Variants in ABCC6 observed in about 807,000 individuals in gnomAD.
ABCC6 encodes ATP-binding cassette sub-family C member 6.
A neutral mutation model predicts 169.5 loss-of-function variants in ABCC6; 126 were observed. That is an observed-to-expected ratio of 0.74 (90% confidence interval 0.64 to 0.86). ABCC6 has a LOEUF of 0.86. Among genes scored for constraint, ABCC6 ranks in the 40% least tolerant of loss-of-function variants. The probability of loss-of-function intolerance (pLI) is 0.00; values close to 1 mark genes in which losing one functional copy is unlikely to be tolerated. For missense variants in ABCC6, 1,733 were observed against 1,927.2 expected, an observed-to-expected ratio of 0.90 and a Z score of 1.89; for synonymous variants, 752 against 814.7, an observed-to-expected ratio of 0.92 and a Z score of 1.31.
rs766642486 is a variant in ABCC6, at chr16:16,203,547, G to C, written c.861C>G (p.Pro287=). 1.2e-6 allele frequency: 2 copies of C among 1,614,040 alleles called. No individual in the cohort carries two copies. Among genetic ancestry groups the C allele is most frequent in the Non-Finnish European group, 1.7e-6 (2 of 1,179,880 alleles). ...ACTGGCTCCCTTCTTGCCGTAGGAAGGGCTCGGTCTCTGGAGCCTTCATGC... is the reference window on the plus strand; with the variant it reads ...ACTGGCTCCCTTCTTGCCGTAGGAACGGCTCGGTCTCTGGAGCCTTCATGC... ...GSGMKAPETE[P]FLRQEGSQWR... The change falls in exon 8 of 31, where the codon CCC becomes CCG. Residue 287 remains proline (P), a synonymous_variant. Transcript: ENST00000205557.
intron 22 of ABCC6, 122 bp from the exon 23 acceptor site, chr16:16,166,055 T>A: frequency 1.0e-6 from 1 of 994,528 alleles, no homozygotes; most frequent in South Asian, 1.5e-5. Flanking sequence ...CCACCCTGAT[T>A]ATTATATTTT....
At chr16:16,221,032 T>A (rs1042718280) in intron 2 of ABCC6, among the ~76,000 whole-genome samples, 1 of 152,050 alleles carries the variant, frequency 6.6e-6, no homozygotes. Context: ...TCAAATACTG[T>A]GTACCGCTTG....
At chr16:16,185,116 C>T in intron 14 of ABCC6, 82 bp from the exon 15 acceptor site, 3 of 1,306,218 alleles carry the variant, frequency 2.3e-6, no homozygotes, top group South Asian at 1.2e-5. Context: ...GCACCATCCC[C>T]CGCCCCCCCC....
At chr16:16,184,124 G>A (rs980598652) in intron 15 of ABCC6, 25 of 174,306 alleles carry the variant, frequency 1.4e-4, no homozygotes, top group East Asian at 1.9e-4. Flanking sequence ...GCTTGAATCC[G>A]GAAGGTGGAG....
At chr16:16,150,278 A>G in intron 30 of ABCC6, 37 bp from the exon 31 acceptor site, 4 of 1,612,998 alleles carry the variant, frequency 2.5e-6, no homozygotes, top group Non-Finnish European at 3.4e-6. Flanking sequence ...CTCTTTGGAC[A>G]CCAGCCCAGG....
chr16:16,180,812 G>T (rs1047627764), intron 17 of ABCC6, among the ~76,000 whole-genome samples: 1 of 152,108 alleles, frequency 6.6e-6, no homozygotes, highest in Admixed American at 6.6e-5. Context: ...CTTACATTCA[G>T]TCATTCCACT....
chr16:16,188,915 C>T lies in ABCC6; in HGVS notation c.1695G>A (p.Glu565=). ...GAACTGTGAGAGTCACAAAGGCTTT[C>T]TCTGCATTCATAGCATTCTCGGCCA... ...TLVAENAMNA[E]KAFVTLTVLN... Residue 565 remains glutamate (E), a synonymous_variant, in exon 13 of 31, where the codon GAG becomes GAA. Coordinates refer to ENST00000205557, the MANE Select transcript of ABCC6 (RefSeq NM_001171.6). The T allele has an allele frequency of 6.2e-7, 1 of 1,614,154 alleles. No individual in the cohort carries two copies.
intron 26 of ABCC6, among the ~76,000 whole-genome samples, chr16:16,158,455 A>ATCCCTCTATCCC (rs149907344): frequency 6.6e-6 from 1 of 151,464 alleles, no homozygotes; most frequent in African/African-American, 2.4e-5. Flanking sequence ...CCATCCATCC[A>ATCCCTCTATCCC]TCTCCAATCC....
Position 16,159,694 on chromosome 16 carries a change from AG to A in ABCC6, c.3634-112del, listed in dbSNP as rs2046653753. The A allele has an allele frequency of 6.5e-6, 6 of 926,028 alleles. No homozygotes were observed. The East Asian group carries it at 1.6e-4, about 24-fold the overall frequency. 57.4% of individuals were successfully genotyped at this position (926,028 alleles called of 1,614,324 possible). ...GGAGGCCAGACCCAGGGGAGTAAAG[AG>A]GGGAGGCAGGAATGGGACAGTCTGA... On this transcript the variant is annotated intron_variant, in intron 25 of 30. Coordinates refer to ENST00000205557, the MANE Select transcript of ABCC6 (RefSeq NM_001171.6).
At chr16:16,151,649 G>C (rs577982438) in intron 29 of ABCC6, among the ~76,000 whole-genome samples, 1 of 152,150 alleles carries the variant, frequency 6.6e-6, no homozygotes, top group African/African-American at 2.4e-5. Flanking sequence ...TCTATTTCTA[G>C]TTTCCACCTT....
rs369624186 is a variant in ABCC6, at chr16:16,150,813, C to G, written c.4209-41G>C. The stretch of plus-strand genomic sequence containing the variant: ...ACAATTAGCTGGGACGTGCGTTTGT[C>G]GGCACATGGTGATGTGTGGGTGTGC... On this transcript the variant is annotated intron_variant, in intron 29 of 30. Transcript: ENST00000205557. 4 of 1,602,118 alleles carry G rather than the reference C, an allele frequency of 2.5e-6. No homozygotes were observed. The South Asian group carries it at 3.4e-5, about 13-fold the overall frequency.
In ABCC6 at chr16:16,192,868, G is replaced by A. The variant is rs2047908777; in HGVS notation, c.1393C>T (p.Leu465=). 6.2e-7 allele frequency: 1 copy of A among 1,614,040 alleles called. No individual in the cohort carries two copies. Among genetic ancestry groups the A allele is most frequent in the Non-Finnish European group, 8.5e-7 (1 of 1,180,040 alleles). ...CTTTTCTTGGAGATGAAGAAATTCA[G>A]AGGGAGGAGGCTCAGGAAGACAGCG... ...AIAVFLSLLP[L]NFFISKKRNH... The change falls in exon 11 of 31, where the codon CTG becomes TTG. Residue 465 remains leucine, a synonymous_variant. Transcript: ENST00000205557.
rs1567550992 is a variant in ABCC6 at position 16,221,644 on chromosome 16, G to C, written c.219+5C>G. On this transcript the variant is annotated splice_donor_5th_base_variant and intron_variant, in intron 2 of 30. Coordinates refer to ENST00000205557, the MANE Select transcript of ABCC6 (RefSeq NM_001171.6). Reference sequence around the variant, plus strand: ...TGGTTCCAGGCTCCCAGGGATGGCAGCTACCATCTTGGCTTTGAAGAGTGG... The same window carrying C: ...TGGTTCCAGGCTCCCAGGGATGGCACCTACCATCTTGGCTTTGAAGAGTGG... 1 of 1,613,752 alleles carries C rather than the reference G, an allele frequency of 6.2e-7. No homozygotes were observed. The highest frequency in any genetic ancestry group is 1.3e-5 in the African/African-American group (1 of 74,934).
At chr16:16,182,748 G>A in intron 16 of ABCC6, 56 bp downstream of exon 16, 11 of 1,611,822 alleles carry the variant, frequency 6.8e-6, no homozygotes, top group Non-Finnish European at 9.3e-6. Context: ...AGGCAGCGAG[G>A]AAGTGGGACT....
At chr16:16,157,549 G>C in intron 27 of ABCC6, 114 bp downstream of exon 27, 1 of 1,376,418 alleles carries the variant, frequency 7.3e-7, no homozygotes, top group Non-Finnish European at 1.0e-6. Context: ...TGAAAGCTAG[G>C]GGACCTGAGG....
chr16:16,158,435 A>ATCCG (rs2046617088), intron 26 of ABCC6, among the ~76,000 whole-genome samples: 1 of 145,154 alleles, frequency 6.9e-6, no homozygotes, highest in South Asian at 2.6e-4. Flanking sequence ...CCATCCATCC[A>ATCCG]TCCATGCATC....
intron 10 of ABCC6, among the ~76,000 whole-genome samples, chr16:16,194,679 T>A (rs2047976233): frequency 6.6e-6 from 1 of 152,014 alleles, no homozygotes; most frequent in Non-Finnish European, 1.5e-5. Context: ...ACACTATGTT[T>A]ATTTATTTAT....
At chr16:16,169,949 A>G (rs2047005095) in intron 21 of ABCC6, 96 bp from the exon 22 acceptor site, 18 of 1,256,780 alleles carry the variant, frequency 1.4e-5, no homozygotes, top group Non-Finnish European at 1.9e-5. Flanking sequence ...AAACATGCCC[A>G]TGGCAGATGG....
chr16:16,215,725 T>C (rs2048847523), intron 4 of ABCC6, among the ~76,000 whole-genome samples: 1 of 151,804 alleles, frequency 6.6e-6, no homozygotes, highest in Admixed American at 6.6e-5. Context: ...CCGCCTGCCT[T>C]GGCCTCCCAA....
Sources: gnomAD v4.1 joint callset for allele counts (sites outside exome capture counted in the v4.1 genomes callset) on GRCh38, gnomAD v4.1.1 for gene constraint, MANE v1.5 for transcripts, NCBI Gene and HGNC (gene_info 2026-07-23, HGNC 2026-07-21) for gene names.